The following SLC9C2 variants were observed in gnomAD, a reference collection of about 807,000 sequenced individuals.
SLC9C2 encodes the protein sodium/hydrogen exchanger 11.
A neutral mutation model predicts 140.2 loss-of-function variants in SLC9C2; 75 were observed. The observed-to-expected ratio is 0.53, with a 90% confidence interval of 0.44 to 0.65. The LOEUF (loss-of-function observed/expected upper bound fraction) is 0.65. Ranked by LOEUF, SLC9C2 falls within the 30% of genes least tolerant of loss-of-function variation. The pLI is 0.00. For synonymous variants in SLC9C2, 375 were observed against 420.9 expected, an observed-to-expected ratio of 0.89 and a Z score of 1.34; for missense variants, 1,074 against 1,331.8, an observed-to-expected ratio of 0.81 and a Z score of 3.01.
At chr1:173,556,505 C>A (rs907784156) in intron 10 of SLC9C2, among the ~76,000 whole-genome samples, 2 of 152,108 alleles carry the variant, frequency 1.3e-5, no homozygotes, top group African/African-American at 4.8e-5. Context: ...TATATAAAAT[C>A]TTTTTTATCT....
intron 9 of SLC9C2, among the ~76,000 whole-genome samples, chr1:173,570,639 T>C (rs920154555): frequency 1.3e-5 from 2 of 152,186 alleles, no homozygotes; most frequent in African/African-American, 4.8e-5. Flanking sequence ...GCAGTCCTTA[T>C]ATCCTAGGCT....
intron 9 of SLC9C2, among the ~76,000 whole-genome samples, chr1:173,570,892 C>G (rs779917010): frequency 2.0e-5 from 3 of 151,740 alleles, no homozygotes; most frequent in Non-Finnish European, 4.4e-5. Context: ...CACCACACAG[C>G]TGCTTTGTGG....
At chr1:173,559,898 C>A (rs1444196124) in intron 9 of SLC9C2, among the ~76,000 whole-genome samples, 3 of 152,126 alleles carry the variant, frequency 2.0e-5, no homozygotes, top group African/African-American at 7.2e-5. Flanking sequence ...AATCTCAACC[C>A]CCTCTATAAT....
intron 14 of SLC9C2, among the ~76,000 whole-genome samples, chr1:173,536,170 A>C (rs999803871): frequency 6.7e-6 from 1 of 148,440 alleles, no homozygotes; most frequent in Non-Finnish European, 1.5e-5. Context: ...CCAGAGGTTG[A>C]ACATAAGTAA....
intron 11 of SLC9C2, among the ~76,000 whole-genome samples, chr1:173,549,839 C>G (rs916373149): frequency 6.6e-6 from 1 of 151,980 alleles, no homozygotes; most frequent in Non-Finnish European, 1.5e-5. Flanking sequence ...AAAAAAGAAA[C>G]AAGACAAAAA....
rs536906299 is a variant in SLC9C2, at chr1:173,594,766, A to G, written c.357+3138T>C. On this transcript the variant is annotated intron_variant, in intron 4 of 27. Transcript: ENST00000367714. ...TAGCTTTAGACTTGTTAAATCAAAT[A>G]TAATTATTAAAATTTAAGATTTTTA... Among the ~76,000 whole-genome samples the G allele has an allele frequency of 2.6e-5, 4 of 152,350 alleles. No homozygotes were observed. In the South Asian group the frequency reaches 8.3e-4, roughly 32 times the overall value.
At position 173,506,940 on chromosome 1, in the gene SLC9C2, A is replaced by G; in HGVS notation, c.3141T>C (p.Val1047=). 6.2e-7 allele frequency: 1 copy of G among 1,613,686 alleles called. No individual in the cohort carries two copies. The change falls in exon 25 of 28, where the codon GTT becomes GTC. Residue 1047 remains valine (V), a synonymous_variant. Coordinates refer to ENST00000367714, the MANE Select transcript of SLC9C2 (RefSeq NM_178527.4). The part of the protein sequence containing the change: ...MIIDNMTMKF[V]IIVYGSVIDT... ...CAATTACACTGCCATACACAATGAT[A>G]ACAAATTTCATGGTCATATTATCAA...
chr1:173,537,020 C>G lies in SLC9C2; in HGVS notation c.1577G>C (p.Arg526Pro), dbSNP rs775523749. The G allele has an allele frequency of 8.2e-5, 132 of 1,613,294 alleles. No homozygotes were observed. The highest frequency in any genetic ancestry group is 1.1e-4 in the Non-Finnish European group (128 of 1,179,592). The change falls in exon 14 of 28, where the codon CGT (arginine) becomes CCT (proline). Residue 526 changes from arginine to proline, a missense_variant. Arg to Pro is a moderately radical substitution (Grantham distance 103, BLOSUM62 -2). Transcript: ENST00000367714. The stretch of plus-strand genomic sequence containing the variant: ...CTCTATTTCAAGAATTCCATTGTTA[C>G]GCTGTTTTTCAAAGCTACTCTAAAC... ...AIQMSSFEKQ[R>P]NNGILEIEAA...
At chr1:173,583,325 G>A (rs1213532036) in intron 6 of SLC9C2, among the ~76,000 whole-genome samples, 181 bp downstream of exon 6, 1 of 152,022 alleles carries the variant, frequency 6.6e-6, no homozygotes, top group Non-Finnish European at 1.5e-5. Flanking sequence ...TTTTTGATCT[G>A]CAGTTGGTTG....
rs1482000998 is a variant in SLC9C2 at position 173,517,121 on chromosome 1, A to G, written c.2907+416T>C. On this transcript the variant is annotated intron_variant, in intron 23 of 27. Coordinates refer to ENST00000367714, the MANE Select transcript of SLC9C2 (RefSeq NM_178527.4). ...GGCCACATGTATGTCTTCTTTTGAA[A>G]AGTATCTGTTCATATATTTTGCCCA... is the stretch of plus-strand genomic sequence containing the variant. 2.8e-4 allele frequency among the ~76,000 whole-genome samples: 43 copies of G among 152,202 alleles called. 1 individual carries two copies. Among genetic ancestry groups the G allele is most frequent in the Admixed American group, 2.8e-3 (43 of 15,286 alleles).
intron 3 of SLC9C2, among the ~76,000 whole-genome samples, chr1:173,599,157 C>G (rs1015497047): frequency 6.6e-6 from 1 of 151,624 alleles, no homozygotes; most frequent in Non-Finnish European, 1.5e-5. Flanking sequence ...CTCGCTCTGT[C>G]ACCCAGGCTG....
chr1:173,509,922 G>A (rs1659925319), intron 23 of SLC9C2, among the ~76,000 whole-genome samples: 2 of 152,180 alleles, frequency 1.3e-5, no homozygotes, highest in African/African-American at 2.4e-5. Context: ...ACTTTAATAA[G>A]AGACCAGAAA....
intron 2 of SLC9C2, among the ~76,000 whole-genome samples, chr1:173,601,132 A>G (rs1282399536): frequency 6.6e-6 from 1 of 152,174 alleles, no homozygotes; most frequent in East Asian, 1.9e-4. Context: ...ATCTTCCCTG[A>G]AGAGAGATTA....
intron 1 of SLC9C2, 124 bp from the exon 2 acceptor site, chr1:173,601,979 T>G (rs1186703178): frequency 1.7e-6 from 1 of 589,560 alleles, no homozygotes; most frequent in Admixed American, 3.0e-5. Context: ...CACACATTAA[T>G]ACCTCTTGTC....
intron 6 of SLC9C2, 100 bp downstream of exon 6, chr1:173,583,406 A>C (rs1665668113): frequency 3.1e-6 from 2 of 635,104 alleles, no homozygotes; most frequent in Admixed American, 2.9e-5. Context: ...ATCAGCCCAA[A>C]AGTAAAGTAT....
chr1:173,544,366 T>C (rs1038114024), intron 13 of SLC9C2, among the ~76,000 whole-genome samples: 1 of 152,162 alleles, frequency 6.6e-6, no homozygotes, highest in African/African-American at 2.4e-5. Context: ...CAACAGGTGC[T>C]GGAGAGGATG....
chr1:173,524,543 T>G (rs1661062202), intron 20 of SLC9C2, among the ~76,000 whole-genome samples: 1 of 152,190 alleles, frequency 6.6e-6, no homozygotes, highest in African/African-American at 2.4e-5. Context: ...CCCCAACCAT[T>G]TCTTTACTAA....
At chr1:173,512,037 C>T (rs1660091526) in intron 23 of SLC9C2, among the ~76,000 whole-genome samples, 1 of 152,162 alleles carries the variant, frequency 6.6e-6, no homozygotes, top group Non-Finnish European at 1.5e-5. Flanking sequence ...CAGTACCATG[C>T]TATTTTGGTT....
At chr1:173,582,046 G>A (rs1417706979) in intron 6 of SLC9C2, 38 bp from the exon 7 acceptor site, 1 of 1,421,040 alleles carries the variant, frequency 7.0e-7, no homozygotes, top group African/African-American at 1.5e-5. Context: ...ATAAAAACTT[G>A]AGCTATAACT....
Sources: allele counts gnomAD v4.1 joint callset (sites outside exome capture counted in the v4.1 genomes callset), GRCh38; gene constraint gnomAD v4.1.1; transcripts MANE v1.5; gene names NCBI Gene and HGNC (gene_info 2026-07-23, HGNC 2026-07-21).